Variants in GTF3C1 observed in about 807,000 individuals in gnomAD.
The protein encoded by GTF3C1 is general transcription factor 3C polypeptide 1.
In GTF3C1, 57 loss-of-function variants were observed where a neutral mutation model predicts 226.7. That is an observed-to-expected ratio of 0.25 (90% CI 0.20 to 0.31). The LOEUF (loss-of-function observed/expected upper bound fraction) is 0.31, where lower values mean the gene tolerates loss of function less well. GTF3C1 is among the 10% of genes least tolerant of loss of function. The probability of loss-of-function intolerance (pLI) is 1.00; values close to 1 mark genes in which losing one functional copy is unlikely to be tolerated. For synonymous variants in GTF3C1, 1,090 were observed against 1,084.8 expected, an observed-to-expected ratio of 1.00 and a Z score of -0.09; for missense variants, 2,217 against 2,776.1, an observed-to-expected ratio of 0.80 and a Z score of 4.53.
intron 24 of GTF3C1, among the ~76,000 whole-genome samples, chr16:27,484,895 C>T (rs2088112308): frequency 6.6e-6 from 1 of 152,170 alleles, no homozygotes; most frequent in Non-Finnish European, 1.5e-5. Context: ...TGAGGTGACC[C>T]AAAAAGTCTG....
At chr16:27,493,417 T>C in intron 16 of GTF3C1, 121 bp from the exon 17 acceptor site, 1 of 648,888 alleles carries the variant, frequency 1.5e-6, no homozygotes, top group South Asian at 1.7e-5. Flanking sequence ...CACTGGGCTC[T>C]CCTTCCTGCC....
chr16:27,479,648 TA>T (rs2088008636), intron 27 of GTF3C1, among the ~76,000 whole-genome samples: 1 of 152,162 alleles, frequency 6.6e-6, no homozygotes, highest in East Asian at 1.9e-4. Flanking sequence ...TTTGTATTTT[TA>T]GAAGAGACAG....
chr16:27,537,122 G>T (rs1348921421), intron 4 of GTF3C1, among the ~76,000 whole-genome samples: 2 of 152,150 alleles, frequency 1.3e-5, no homozygotes, highest in South Asian at 2.1e-4. Flanking sequence ...GTCCATATAG[G>T]TTATTATGGT....
intron 6 of GTF3C1, among the ~76,000 whole-genome samples, chr16:27,520,587 G>C (rs577864506): frequency 1.6e-4 from 25 of 152,318 alleles, no homozygotes; most frequent in African/African-American, 6.0e-4. Flanking sequence ...GGAAACAAGG[G>C]TACTGACAAT....
At position 27,549,869 on chromosome 16, in the gene GTF3C1, A is replaced by G. The variant is rs139856225; in HGVS notation, c.22T>C (p.Leu8=). 6 of 1,611,820 alleles carry G rather than the reference A, an allele frequency of 3.7e-6. No homozygotes were observed. The highest frequency in any genetic ancestry group is 1.3e-5 in the African/African-American group (1 of 75,032). Residue 8 remains leucine, a synonymous_variant, in exon 1 of 37, where the codon TTG becomes CTG. Coordinates refer to ENST00000356183, the MANE Select transcript of GTF3C1 (RefSeq NM_001520.4). MDALESL[L]DEVALEGLDG... is the part of the protein sequence containing the mutation. Reference sequence around the variant, plus strand: ...AGCCCCTCCAGAGCGACTTCGTCCAACAACGACTCCAGCGCGTCCATTGCT... The same window carrying G: ...AGCCCCTCCAGAGCGACTTCGTCCAGCAACGACTCCAGCGCGTCCATTGCT...
Position 27,549,700 on chromosome 16 carries a change from C to A in GTF3C1, c.191G>T (p.Arg64Leu), listed in dbSNP as rs1179709628. 2 of 1,601,928 alleles carry A rather than the reference C, an allele frequency of 1.2e-6. No individual in the cohort carries two copies. Among genetic ancestry groups the A allele is most frequent in the East Asian group, 4.5e-5 (2 of 44,336 alleles). ...HPGISFYEEP[R>L]ERPDLQLQDR... ...CTGGAGCTGTAGGTCGGGTCGCTCCCGAGGCTCCTCATAGAAGCTGATGCC... is the reference window on the plus strand; with the variant it reads ...CTGGAGCTGTAGGTCGGGTCGCTCCAGAGGCTCCTCATAGAAGCTGATGCC... The change falls in exon 1 of 37, where the codon CGG becomes CTG. Residue 64 changes from arginine to leucine, a missense_variant. Coordinates refer to ENST00000356183, the MANE Select transcript of GTF3C1 (RefSeq NM_001520.4).
intron 34 of GTF3C1, 73 bp downstream of exon 34, chr16:27,464,247 G>A: frequency 2.1e-6 from 2 of 949,250 alleles, no homozygotes; most frequent in Non-Finnish European, 2.9e-6. Flanking sequence ...AGGAAGGTGT[G>A]AGGCCCATCA....
At chr16:27,508,432 T>C in intron 8 of GTF3C1, 108 bp downstream of exon 8, 1 of 849,888 alleles carries the variant, frequency 1.2e-6, no homozygotes, top group Non-Finnish European at 1.9e-6. Flanking sequence ...TTTGCCTCCT[T>C]GACACAGATG....
At position 27,503,008 on chromosome 16, in the gene GTF3C1, C is replaced by T. The variant is rs909943363; in HGVS notation, c.1771-13G>A. 5 of 1,610,362 alleles carry T rather than the reference C, an allele frequency of 3.1e-6. No homozygotes were observed. In the South Asian group the frequency reaches 5.5e-5, roughly 18 times the overall value. ...AACTGCTACTCTCCTAGAACAGAGA[C>T]CGAAAGCACAAGATGCAATGGGCTC... On this transcript the variant is annotated splice_polypyrimidine_tract_variant and intron_variant, in intron 10 of 36. Coordinates refer to ENST00000356183, the MANE Select transcript of GTF3C1 (RefSeq NM_001520.4).
At chr16:27,498,469 A>G (rs912303210) in intron 13 of GTF3C1, among the ~76,000 whole-genome samples, 161 bp downstream of exon 13, 3 of 152,286 alleles carry the variant, frequency 2.0e-5, no homozygotes, top group Non-Finnish European at 4.4e-5. Flanking sequence ...GAATCCTGAA[A>G]TTGGTCCTTA....
chr16:27,507,446 A>T lies in GTF3C1; in HGVS notation c.1243-290T>A, dbSNP rs1418890725. On this transcript the variant is annotated intron_variant, in intron 8 of 36. Coordinates refer to ENST00000356183, the MANE Select transcript of GTF3C1 (RefSeq NM_001520.4). This position sits in a 1 kb window ranked among gnomAD's most constrained non-coding sequence, Gnocchi z 4.9. The stretch of plus-strand genomic sequence containing the variant: ...AGGGCTCTGACTTAACCTTCCATAT[A>T]GCCCCAGTGGCTGGGACAGGACGTG... Among the ~76,000 whole-genome samples, 1 of 151,650 alleles carries T rather than the reference A, an allele frequency of 6.6e-6. No homozygotes were observed. Among genetic ancestry groups the T allele is most frequent in the Non-Finnish European group, 1.5e-5 (1 of 68,024 alleles).
chr16:27,472,677 A>G (rs1190984710), intron 29 of GTF3C1, among the ~76,000 whole-genome samples: 1 of 152,170 alleles, frequency 6.6e-6, no homozygotes, highest in Non-Finnish European at 1.5e-5. Context: ...CATTTCTTGA[A>G]AAAGCTGAGG....
chr16:27,477,397 C>T (rs912507599), intron 28 of GTF3C1, among the ~76,000 whole-genome samples: 1 of 152,006 alleles, frequency 6.6e-6, no homozygotes, highest in Non-Finnish European at 1.5e-5. Flanking sequence ...ACCTCCGTTT[C>T]CCAGGATCAA....
At chr16:27,544,252 T>C (rs1366038018) in intron 2 of GTF3C1, among the ~76,000 whole-genome samples, 1 of 151,606 alleles carries the variant, frequency 6.6e-6, no homozygotes, top group Non-Finnish European at 1.5e-5. Context: ...CTGGGTGTGG[T>C]GGTATGCGCC....
intron 1 of GTF3C1, 107 bp from the exon 2 acceptor site, chr16:27,545,630 T>A: frequency 1.5e-6 from 1 of 687,858 alleles, no homozygotes; most frequent in Non-Finnish European, 2.6e-6. Context: ...AGAAGTGAGA[T>A]CAGTCAGTTT....
rs781094802 is a variant in GTF3C1, at chr16:27,464,484, T to A, written c.5708A>T (p.Asp1903Val). 1 of 1,551,630 alleles carries A rather than the reference T, an allele frequency of 6.4e-7. No homozygotes were observed. Residue 1903 changes from aspartate (D) to valine (V), a missense_variant, in exon 34 of 37, where the codon GAT becomes GTT. Asp to Val is a radical substitution (Grantham distance 152). This residue lies in a region of GTF3C1 where 455 missense variants were observed against 441.9 expected (regional missense o/e 1.03). Transcript: ENST00000356183. ...AGATGGGGCCTGGGCTTCTGCCCCA[T>A]CTTCAGCTCCGGGCCCAAGGCTGGG... Reference protein sequence around the residue: ...LAPSLGPGAEDGAEAQAPSPP... With the variant: ...LAPSLGPGAEVGAEAQAPSPP...
chr16:27,486,191 A>C, intron 23 of GTF3C1, 37 bp from the exon 24 acceptor site: 1 of 1,377,224 alleles, frequency 7.3e-7, no homozygotes, highest in Non-Finnish European at 1.0e-6. Context: ...GAGACCTCTA[A>C]CACCTGGTTT....
In GTF3C1 at chr16:27,493,212, G is replaced by A; in HGVS notation, c.2863C>T (p.Leu955Phe). The A allele has an allele frequency of 6.2e-7, 1 of 1,601,218 alleles. No individual in the cohort carries two copies. Among genetic ancestry groups the A allele is most frequent in the Non-Finnish European group, 8.6e-7 (1 of 1,168,228 alleles). Residue 955 changes from leucine (L) to phenylalanine (F), a missense_variant, in exon 17 of 37, where the codon CTT becomes TTT. Leu to Phe is a conservative substitution (Grantham distance 22). Around this residue, in one of 12 missense-constraint regions of GTF3C1, gnomAD observed 353 missense variants for 411.7 expected, o/e 0.86. Transcript: ENST00000356183. ...CAATGGCCTCACCTCTTGTACAGAA[G>A]CTGCTGCCGAATGGGCCTGGGGAGA... is the stretch of plus-strand genomic sequence containing the variant. Reference protein sequence around the residue: ...RFLPRPIRQQLLYKRRYIFSV... With the variant: ...RFLPRPIRQQFLYKRRYIFSV...
At position 27,494,816 on chromosome 16, in the gene GTF3C1, G is replaced by A. The variant is rs745984598; in HGVS notation, c.2725C>T (p.Leu909Phe). The part of the protein sequence containing the change: ...GFGWALVSDI[L>F]LCLPLSIFIQ... ...AAGATGGAGAGGGGAAGGCAGAGGA[G>A]GATGTCGCTGACGAGAGCCCAGCCA... The change falls in exon 16 of 37, where the codon CTC becomes TTC. Residue 909 changes from leucine to phenylalanine, a missense_variant. Around this residue, in one of 12 missense-constraint regions of GTF3C1, gnomAD observed 353 missense variants for 411.7 expected, o/e 0.86. Coordinates refer to ENST00000356183, the MANE Select transcript of GTF3C1 (RefSeq NM_001520.4). 1.9e-6 allele frequency: 3 copies of A among 1,612,356 alleles called. No individual in the cohort carries two copies. Among genetic ancestry groups the A allele is most frequent in the Non-Finnish European group, 2.5e-6 (3 of 1,178,352 alleles).
Sources: gnomAD v4.1 joint callset for allele counts (sites outside exome capture counted in the v4.1 genomes callset) on GRCh38, gnomAD v4.1.1 for gene constraint, gnomAD v4.1.1 regional missense constraint, Gnocchi (gnomAD v3.1) non-coding constraint, MANE v1.5 for transcripts, NCBI Gene and HGNC (gene_info 2026-07-23, HGNC 2026-07-21) for gene names.